The following PRIM2 variants were observed in gnomAD, a reference collection of about 807,000 sequenced individuals.
PRIM2 encodes the protein DNA primase subunit 2, also known as DNA primase large subunit.
PRIM2 carries 39 observed loss-of-function variants against 67.3 expected under a neutral mutation model. The observed-to-expected ratio is 0.58, with a 90% CI of 0.45 to 0.76. The LOEUF (loss-of-function observed/expected upper bound fraction) is 0.76, where lower values mean the gene tolerates loss of function less well. PRIM2 is among the 30% of genes least tolerant of loss of function. The pLI is 0.00. For synonymous variants in PRIM2, 143 were observed against 198.7 expected (o/e 0.72, Z 2.36); for missense variants, 398 against 598.7 (o/e 0.66, Z 3.50).
chr6:57,627,279 C>CA (rs1158722297), intron 12 of PRIM2, among the ~76,000 whole-genome samples: 671 of 24,502 alleles, frequency 0.027, 151 homozygotes, highest in South Asian at 0.055. Flanking sequence ...GACTCTGTCT[C>CA]AAAAAAAAAA....
the PRIM2 span, among the ~76,000 whole-genome samples, chr6:57,272,842 C>T: frequency 6.6e-6 from 1 of 152,162 alleles, no homozygotes; most frequent in African/African-American, 2.4e-5. Context: ...AATCTCTCAG[C>T]ATTTGCTTGT....
At chr6:57,537,977 A>T (rs1227515704) in intron 10 of PRIM2, among the ~76,000 whole-genome samples, 80 of 150,870 alleles carry the variant, frequency 5.3e-4, no homozygotes, top group African/African-American at 1.9e-3. Context: ...AATTTAAAAT[A>T]TTTTCTATTA....
chr6:57,267,107 C>A, the PRIM2 span, among the ~76,000 whole-genome samples: 1 of 152,232 alleles, frequency 6.6e-6, no homozygotes, highest in African/African-American at 2.4e-5. Context: ...AGTGCCTCCA[C>A]ATGCAAAGTG....
chr6:57,541,045 A>G (rs1425553074), intron 10 of PRIM2, among the ~76,000 whole-genome samples: 2 of 152,190 alleles, frequency 1.3e-5, no homozygotes, highest in Non-Finnish European at 2.9e-5. Flanking sequence ...GTCACTAGTA[A>G]TGCTGGAAAT....
At chr6:57,644,775 C>G (rs1777305874) in intron 13 of PRIM2, among the ~76,000 whole-genome samples, 1 of 152,132 alleles carries the variant, frequency 6.6e-6, no homozygotes, top group Admixed American at 6.5e-5. Flanking sequence ...GAAAATACCA[C>G]CCAAGAAACC....
upstream of PRIM2, among the ~76,000 whole-genome samples, chr6:57,309,902 A>G (rs1373090673): frequency 6.6e-6 from 1 of 150,426 alleles, no homozygotes; most frequent in East Asian, 2.0e-4. Flanking sequence ...TCACGTCCAA[A>G]ACACCAAAAG....
intron 7 of PRIM2, among the ~76,000 whole-genome samples, chr6:57,398,914 T>C (rs1006514167): frequency 1.3e-5 from 2 of 152,086 alleles, no homozygotes; most frequent in African/African-American, 4.8e-5. Context: ...TTTTTTGTCT[T>C]TTTTTTATCT....
intron 10 of PRIM2, among the ~76,000 whole-genome samples, chr6:57,597,767 G>T (rs1415291272): frequency 6.6e-6 from 1 of 152,054 alleles, no homozygotes; most frequent in Non-Finnish European, 1.5e-5. Flanking sequence ...AGCAAGCCAA[G>T]GGCAACTCTG....
intron 12 of PRIM2, among the ~76,000 whole-genome samples, chr6:57,612,388 A>G (rs1477938994): frequency 1.3e-5 from 2 of 152,246 alleles, no homozygotes; most frequent in Non-Finnish European, 2.9e-5. Context: ...ATAGTCATAC[A>G]ATGGAATATT....
At chr6:57,294,830 GAC>G in the PRIM2 span, among the ~76,000 whole-genome samples, 3 of 146,634 alleles carry the variant, frequency 2.0e-5, no homozygotes, top group Non-Finnish European at 4.5e-5. Flanking sequence ...TTTTTTTTGA[GAC>G]ACAGTCTCAC....
intron 7 of PRIM2, among the ~76,000 whole-genome samples, chr6:57,391,494 T>A (rs1409609071): frequency 1.3e-5 from 2 of 152,168 alleles, no homozygotes; most frequent in African/African-American, 2.4e-5. Context: ...TTTCATTGCT[T>A]TGGATTTTAC....
chr6:57,306,745 A>G, the PRIM2 span, among the ~76,000 whole-genome samples: 1 of 152,210 alleles, frequency 6.6e-6, no homozygotes, highest in East Asian at 1.9e-4. Flanking sequence ...CCACCTGTGC[A>G]TCTTCTTTCT....
intron 7 of PRIM2, among the ~76,000 whole-genome samples, chr6:57,407,676 A>T (rs1482075139): frequency 6.6e-6 from 1 of 152,202 alleles, no homozygotes; most frequent in African/African-American, 2.4e-5. Context: ...GAGCAGGGAG[A>T]AAAAGAGAAT....
At chr6:57,247,892 T>A in the PRIM2 span, among the ~76,000 whole-genome samples, 1 of 152,194 alleles carries the variant, frequency 6.6e-6, no homozygotes, top group Non-Finnish European at 1.5e-5. Flanking sequence ...TGAGTTTCAT[T>A]CTGAAATCCA....
chr6:57,531,723 A>G lies in PRIM2; in HGVS notation c.762-688A>G, dbSNP rs1774895900. ...ATCAAAAGGTTTGAGTTCCCACTGC[A>G]CTGCTGACTTGCTTTCTGATCCTAA... On this transcript the variant is annotated intron_variant, in intron 8 of 13. Coordinates refer to ENST00000615550, the MANE Select transcript of PRIM2 (RefSeq NM_000947.5). 5.9e-5 allele frequency among the ~76,000 whole-genome samples: 9 copies of G among 152,168 alleles called. 1 individual carries two copies. The South Asian group carries it at 1.9e-3, about 32-fold the overall frequency.
intron 12 of PRIM2, among the ~76,000 whole-genome samples, chr6:57,627,451 C>T (rs1404227634): frequency 4.0e-5 from 6 of 151,072 alleles, no homozygotes; most frequent in Non-Finnish European, 7.4e-5. Flanking sequence ...TGTAGGGTTG[C>T]AATCTTGGCT....
intron 13 of PRIM2, among the ~76,000 whole-genome samples, chr6:57,643,342 A>T (rs1200265225): frequency 6.6e-6 from 1 of 152,152 alleles, no homozygotes; most frequent in Non-Finnish European, 1.5e-5. Context: ...TATCAGTATG[A>T]TTTTGCATAC....
At chr6:57,630,152 T>C (rs1278454189) in intron 12 of PRIM2, among the ~76,000 whole-genome samples, 1 of 150,846 alleles carries the variant, frequency 6.6e-6, no homozygotes, top group Non-Finnish European at 1.5e-5. Flanking sequence ...ATCACACCTT[T>C]ACTTATTTAT....
chr6:57,418,430 C>T (rs1309317986), intron 7 of PRIM2, among the ~76,000 whole-genome samples: 1 of 81,718 alleles, frequency 1.2e-5, no homozygotes, highest in Non-Finnish European at 2.3e-5. Flanking sequence ...CAGATTCTCA[C>T]TCTGTTGCCA....
Sources: allele counts gnomAD v4.1 joint callset (sites outside exome capture counted in the v4.1 genomes callset), GRCh38; gene constraint gnomAD v4.1.1; transcripts MANE v1.5; gene names NCBI Gene and HGNC (gene_info 2026-07-23, HGNC 2026-07-21).